GRIK4: variants seen among roughly 807,000 people sequenced by gnomAD.
The protein encoded by GRIK4 is glutamate ionotropic receptor kainate type subunit 4, also known as glutamate receptor ionotropic, kainate 4.
In GRIK4, 40 loss-of-function variants were observed where a neutral mutation model predicts 104.9. The ratio of observed to expected loss-of-function variants is 0.38; its 90% confidence interval spans 0.30 to 0.50. The LOEUF (loss-of-function observed/expected upper bound fraction) is 0.50. Among genes scored for constraint, GRIK4 ranks in the 20% least tolerant of loss-of-function variants. The probability of loss-of-function intolerance (pLI) is 0.93; values close to 1 mark genes in which losing one functional copy is unlikely to be tolerated. For missense variants in GRIK4, 1,047 were observed against 1,308.1 expected (o/e 0.80, Z 3.08); for synonymous variants, 485 against 524.9 (o/e 0.92, Z 1.04).
chr11:120,953,537 C>T lies in GRIK4; in HGVS notation c.1700+573C>T, dbSNP rs1325926248. Among the ~76,000 whole-genome samples the T allele has an allele frequency of 2.0e-5, 3 of 152,076 alleles. No individual in the cohort carries two copies. Among genetic ancestry groups the T allele is most frequent in the Admixed American group, 6.6e-5 (1 of 15,266 alleles). ...GAATGGGAACCATGGAGGCTGCTGG[C>T]GGGTGGCAAGGAGACGGGATGGAGA... On this transcript the variant is annotated intron_variant, in intron 15 of 20. Transcript: ENST00000527524. The surrounding 1 kb of genome is among the most constrained non-coding windows in gnomAD (Gnocchi z 4.9).
At chr11:120,528,265 C>CCACGCCCGGCTAATTTTTTGTATTCTT (rs1947881869) in intron 1 of GRIK4, among the ~76,000 whole-genome samples, 1 of 152,198 alleles carries the variant, frequency 6.6e-6, no homozygotes, top group Non-Finnish European at 1.5e-5. Context: ...GTGCCCGCCA[C>CCACGCCCGGCTAATTTTTTGTATTCTT]CACGCCCGGC....
intron 3 of GRIK4, among the ~76,000 whole-genome samples, chr11:120,708,630 C>T (rs1322196778): frequency 6.6e-6 from 1 of 152,158 alleles, no homozygotes; most frequent in East Asian, 1.9e-4. Context: ...TGAACGGGCT[C>T]CAGAGGACAG....
intron 13 of GRIK4, among the ~76,000 whole-genome samples, chr11:120,920,136 G>A (rs112585289): frequency 1.6e-3 from 239 of 152,252 alleles, no homozygotes; most frequent in African/African-American, 5.2e-3. Context: ...TATGAGCTGT[G>A]TGGACTTGGA....
intron 3 of GRIK4, among the ~76,000 whole-genome samples, chr11:120,798,046 A>G (rs1952552869): frequency 6.6e-6 from 1 of 151,678 alleles, no homozygotes; most frequent in African/African-American, 2.4e-5. Context: ...GTCCAAGATC[A>G]TGGTGTCAGG....
At chr11:120,898,722 C>A in intron 12 of GRIK4, 83 bp downstream of exon 12, 1 of 764,394 alleles carries the variant, frequency 1.3e-6, no homozygotes, top group Non-Finnish European at 2.4e-6. Flanking sequence ...GCCCCTTGAA[C>A]AGAAGATGGG....
chr11:120,838,856 T>C (rs1953647135), intron 8 of GRIK4, among the ~76,000 whole-genome samples: 1 of 152,118 alleles, frequency 6.6e-6, no homozygotes, highest in South Asian at 2.1e-4. Flanking sequence ...GCCATCTTGA[T>C]TCACCTTCCA....
At chr11:120,692,647 G>A (rs1219020730) in intron 3 of GRIK4, among the ~76,000 whole-genome samples, 6 of 152,288 alleles carry the variant, frequency 3.9e-5, no homozygotes, top group South Asian at 4.2e-4. Context: ...ACAGACAGTC[G>A]GGAAGACGAG....
At chr11:120,667,465 C>T (rs1045637596) in intron 3 of GRIK4, among the ~76,000 whole-genome samples, 3 of 152,398 alleles carry the variant, frequency 2.0e-5, no homozygotes, top group East Asian at 1.9e-4. Context: ...GGGACGCGTG[C>T]GTGTGCATCG....
At chr11:120,917,840 C>G (rs1592078604) in intron 13 of GRIK4, among the ~76,000 whole-genome samples, 1 of 152,312 alleles carries the variant, frequency 6.6e-6, no homozygotes, top group East Asian at 1.9e-4. Context: ...GGAATTATTT[C>G]CACCTTCCCC....
At chr11:120,612,010 C>T (rs116483203) in intron 1 of GRIK4, among the ~76,000 whole-genome samples, 43 of 152,282 alleles carry the variant, frequency 2.8e-4, no homozygotes, top group African/African-American at 9.9e-4. Flanking sequence ...CTTGCAGGGC[C>T]GATTGTAACT....
chr11:120,630,418 C>T (rs1949319638), intron 1 of GRIK4, among the ~76,000 whole-genome samples: 1 of 152,270 alleles, frequency 6.6e-6, no homozygotes, highest in Non-Finnish European at 1.5e-5. Flanking sequence ...GTGCTCCTGG[C>T]AGCCCACTGG....
At chr11:120,826,835 T>C (rs7114795) in intron 6 of GRIK4, among the ~76,000 whole-genome samples, 11,791 of 152,226 alleles carry the variant, frequency 0.077, 1,546 homozygotes, top group African/African-American at 0.26. Context: ...TTCCAGAACT[T>C]GAACTTGTTC....
intron 1 of GRIK4, among the ~76,000 whole-genome samples, chr11:120,612,338 C>G (rs1949047919): frequency 6.6e-6 from 1 of 152,174 alleles, no homozygotes; most frequent in South Asian, 2.1e-4. Flanking sequence ...GCTGTTATCT[C>G]ATTGTAATGC....
chr11:120,624,009 C>T (rs1949222840), intron 1 of GRIK4, among the ~76,000 whole-genome samples: 1 of 151,634 alleles, frequency 6.6e-6, no homozygotes, highest in Admixed American at 6.6e-5. Context: ...CCTCCCCTTT[C>T]CGCCCTGCCT....
At chr11:120,911,428 G>C (rs1332078584) in intron 13 of GRIK4, among the ~76,000 whole-genome samples, 1 of 148,640 alleles carries the variant, frequency 6.7e-6, no homozygotes, top group African/African-American at 2.4e-5. Context: ...TAGTAGAGAC[G>C]GGGTTTCACC....
intron 1 of GRIK4, among the ~76,000 whole-genome samples, chr11:120,631,138 C>T (rs753206959): frequency 6.6e-6 from 1 of 152,214 alleles, no homozygotes; most frequent in Non-Finnish European, 1.5e-5. Flanking sequence ...GCACGGTGTC[C>T]GGCTGCTACG....
intron 3 of GRIK4, among the ~76,000 whole-genome samples, chr11:120,670,138 C>T (rs1284325839): frequency 2.0e-5 from 3 of 152,208 alleles, no homozygotes; most frequent in African/African-American, 7.2e-5. Flanking sequence ...GCTCTGCCTT[C>T]CAAGTATATC....
At chr11:120,697,086 T>C (rs1950461833) in intron 3 of GRIK4, among the ~76,000 whole-genome samples, 1 of 152,198 alleles carries the variant, frequency 6.6e-6, no homozygotes, top group African/African-American at 2.4e-5. Flanking sequence ...TTCCCAGCTC[T>C]TTTCCTCTGC....
chr11:120,685,097 T>C (rs184270052), intron 3 of GRIK4, among the ~76,000 whole-genome samples: 2 of 152,330 alleles, frequency 1.3e-5, no homozygotes, highest in African/African-American at 4.8e-5. Context: ...TGCTGCCATC[T>C]GTCGGTGAGT....
Sources: allele counts gnomAD v4.1 joint callset (sites outside exome capture counted in the v4.1 genomes callset), GRCh38; gene constraint gnomAD v4.1.1; non-coding constraint Gnocchi (gnomAD v3.1); transcripts MANE v1.5; gene names NCBI Gene and HGNC (gene_info 2026-07-23, HGNC 2026-07-21).